Variants in CDH12 observed in about 807,000 individuals in gnomAD.
CDH12 encodes cadherin-12.
In CDH12, 41 loss-of-function variants were observed where a neutral mutation model predicts 74.1. The observed-to-expected ratio is 0.55, with a 90% CI of 0.43 to 0.72. CDH12 has a LOEUF of 0.72. Among genes scored for constraint, CDH12 ranks in the 30% least tolerant of loss-of-function variants. CDH12 has a pLI of 0.00. For synonymous variants in CDH12, 399 were observed against 355.0 expected (o/e 1.12, Z -1.39); for missense variants, 945 against 977.2 (o/e 0.97, Z 0.44).
intron 1 of CDH12, among the ~76,000 whole-genome samples, chr5:22,800,879 A>G (rs116340565): frequency 0.021 from 3,206 of 152,182 alleles, 108 homozygotes; most frequent in African/African-American, 0.073. Flanking sequence ...TCGATAGATT[A>G]TATTTTTTAG....
chr5:22,489,409 C>T (rs1318574245), intron 2 of CDH12, among the ~76,000 whole-genome samples: 3 of 151,788 alleles, frequency 2.0e-5, no homozygotes, highest in Admixed American at 6.6e-5. Flanking sequence ...TTCACACCAA[C>T]CTGTAAATCT....
intron 5 of CDH12, among the ~76,000 whole-genome samples, chr5:21,976,262 A>G (rs1177732636): frequency 2.0e-5 from 3 of 152,140 alleles, no homozygotes; most frequent in Non-Finnish European, 2.9e-5. Context: ...CAACACATGT[A>G]TGGTACATTA....
In CDH12 at chr5:22,460,713, A is replaced by ATTTTTTTTTTTTTTTTT. The variant is rs3039460; in HGVS notation, c.-428+44540_-428+44556dup. On this transcript the variant is annotated intron_variant, in intron 2 of 14. Coordinates refer to ENST00000382254, the MANE Select transcript of CDH12 (RefSeq NM_004061.5). ...AGAGAACAGTTGATGATATCTAGCA[A>ATTTTTTTTTTTTTTTTT]TTTTTTTTTTTTTTTTTTTTTTTTT... Among the ~76,000 whole-genome samples, 55 of 85,604 alleles carry ATTTTTTTTTTTTTTTTT rather than the reference A, an allele frequency of 6.4e-4. 4 individuals are homozygous for ATTTTTTTTTTTTTTTTT. The highest frequency in any genetic ancestry group is 2.7e-3 in the African/African-American group (53 of 19,768). 56.2% of individuals were successfully genotyped at this position (85,604 alleles called of 152,430 possible).
intron 4 of CDH12, among the ~76,000 whole-genome samples, chr5:22,098,240 C>A (rs1743916878): frequency 1.3e-5 from 2 of 152,152 alleles, no homozygotes; most frequent in Admixed American, 6.5e-5. Flanking sequence ...CAGTCAAGCC[C>A]AAATTTCTTC....
intron 4 of CDH12, among the ~76,000 whole-genome samples, chr5:22,130,531 G>T (rs1025265542): frequency 3.3e-5 from 5 of 152,078 alleles, no homozygotes; most frequent in Non-Finnish European, 7.4e-5. Flanking sequence ...GGGAAAATGT[G>T]GGCATGTTAA....
chr5:22,148,098 C>T (rs1184704807), intron 4 of CDH12, among the ~76,000 whole-genome samples: 1 of 152,160 alleles, frequency 6.6e-6, no homozygotes, highest in Admixed American at 6.5e-5. Flanking sequence ...CTGTACAGCG[C>T]CCCTTTTCTT....
intron 1 of CDH12, among the ~76,000 whole-genome samples, chr5:22,774,023 G>T (rs1746958160): frequency 6.6e-6 from 1 of 152,044 alleles, no homozygotes; most frequent in South Asian, 2.1e-4. Context: ...AAGGAACACT[G>T]TTGGTGGGAA....
intron 2 of CDH12, among the ~76,000 whole-genome samples, chr5:22,468,392 T>C (rs1745819381): frequency 6.6e-6 from 1 of 152,218 alleles, no homozygotes. Context: ...GTGGCTTCTC[T>C]ATTCTTTATT....
At chr5:22,572,057 G>A (rs1348388015) in intron 1 of CDH12, among the ~76,000 whole-genome samples, 5 of 152,090 alleles carry the variant, frequency 3.3e-5, no homozygotes, top group African/African-American at 1.2e-4. Context: ...CCTTCAGTTT[G>A]TAAAAACAAC....
intron 5 of CDH12, among the ~76,000 whole-genome samples, chr5:22,036,195 T>A (rs1381155023): frequency 1.3e-5 from 2 of 152,168 alleles, no homozygotes; most frequent in Admixed American, 6.6e-5. Context: ...ACATATCAAT[T>A]TTTTTAGCCT....
intron 9 of CDH12, among the ~76,000 whole-genome samples, chr5:21,806,920 T>A (rs1747458150): frequency 6.6e-6 from 1 of 152,188 alleles, no homozygotes; most frequent in Non-Finnish European, 1.5e-5. Flanking sequence ...TCCTTGGTCC[T>A]GGGCCAAAAC....
chr5:22,662,828 T>G (rs988010380), intron 1 of CDH12, among the ~76,000 whole-genome samples: 3 of 152,166 alleles, frequency 2.0e-5, no homozygotes, highest in African/African-American at 7.2e-5. Flanking sequence ...CAACCCTGAT[T>G]GCTGACAATA....
intron 6 of CDH12, among the ~76,000 whole-genome samples, chr5:21,929,935 A>G (rs1429379286): frequency 6.6e-6 from 1 of 152,156 alleles, no homozygotes; most frequent in African/African-American, 2.4e-5. Flanking sequence ...ACAGCCCAAA[A>G]TGCCCTCTGG....
intron 3 of CDH12, among the ~76,000 whole-genome samples, chr5:22,296,062 A>C (rs573402191): frequency 6.6e-6 from 1 of 152,040 alleles, no homozygotes; most frequent in Non-Finnish European, 1.5e-5. Context: ...TTTAATGGAC[A>C]CTAACTTTAT....
chr5:21,904,851 G>A, intron 6 of CDH12, among the ~76,000 whole-genome samples: 1 of 152,052 alleles, frequency 6.6e-6, no homozygotes, highest in East Asian at 1.9e-4. Context: ...CTATAAAATT[G>A]AGAAAATAGC....
chr5:21,965,490 TTTAA>T (rs1756539178), intron 6 of CDH12, among the ~76,000 whole-genome samples: 1 of 152,086 alleles, frequency 6.6e-6, no homozygotes, highest in Non-Finnish European at 1.5e-5. Context: ...TGGTTGACAG[TTTAA>T]TTGACATATT....
chr5:22,195,469 T>A (rs1382575272), intron 4 of CDH12, among the ~76,000 whole-genome samples: 1 of 152,200 alleles, frequency 6.6e-6, no homozygotes, highest in Non-Finnish European at 1.5e-5. Flanking sequence ...TTATAACCAT[T>A]ATGCCTTTCC....
chr5:22,183,654 T>C (rs1305496913), intron 4 of CDH12, among the ~76,000 whole-genome samples: 3 of 152,148 alleles, frequency 2.0e-5, no homozygotes, highest in Non-Finnish European at 4.4e-5. Flanking sequence ...GAATTCTCCC[T>C]GACCTTGCCA....
At chr5:21,907,345 G>A (rs569796387) in intron 6 of CDH12, among the ~76,000 whole-genome samples, 1 of 152,186 alleles carries the variant, frequency 6.6e-6, no homozygotes, top group South Asian at 2.1e-4. Context: ...GGAGAATGGG[G>A]GATAATTTTC....
Sources: gnomAD v4.1 joint callset for allele counts (sites outside exome capture counted in the v4.1 genomes callset) on GRCh38, gnomAD v4.1.1 for gene constraint, MANE v1.5 for transcripts, NCBI Gene and HGNC (gene_info 2026-07-23, HGNC 2026-07-21) for gene names.